The following TBC1D10A variants were observed in gnomAD, a reference collection of about 807,000 sequenced individuals.
TBC1D10A encodes TBC1 domain family member 10A, also known as EBP50-PDX interactor of 64 kDa.
A neutral mutation model predicts 52.9 loss-of-function variants in TBC1D10A; 24 were observed. The observed-to-expected ratio is 0.45, with a 90% confidence interval of 0.33 to 0.64. The LOEUF (loss-of-function observed/expected upper bound fraction) is 0.64, where lower values mean the gene tolerates loss of function less well. Ranked by LOEUF, TBC1D10A falls within the 30% of genes least tolerant of loss-of-function variation. The probability of loss-of-function intolerance (pLI) is 0.02; values close to 1 mark genes in which losing one functional copy is unlikely to be tolerated. For missense variants in TBC1D10A, 602 were observed against 687.9 expected (o/e 0.88, Z 1.40); for synonymous variants, 278 against 282.9 (o/e 0.98, Z 0.17).
intron 1 of TBC1D10A, 60 bp downstream of exon 1, chr22:30,326,613 T>C: frequency 6.6e-7 from 1 of 1,505,104 alleles, no homozygotes; most frequent in Non-Finnish European, 8.9e-7. Context: ...GGCGCCTCCG[T>C]CCGTGTCGAG....
chr22:30,314,514 G>A (rs529182615), intron 1 of TBC1D10A, among the ~76,000 whole-genome samples: 5 of 152,284 alleles, frequency 3.3e-5, no homozygotes, highest in African/African-American at 1.2e-4. Flanking sequence ...AGCTCAGGAT[G>A]AAAGTCTACA....
At chr22:30,320,599 C>T (rs898097771) in intron 1 of TBC1D10A, among the ~76,000 whole-genome samples, 1 of 152,132 alleles carries the variant, frequency 6.6e-6, no homozygotes, top group African/African-American at 2.4e-5. Flanking sequence ...GGATAATCAC[C>T]CCTCTCAGGG....
intron 1 of TBC1D10A, 117 bp from the exon 2 acceptor site, chr22:30,304,747 TC>T (rs996756805): frequency 6.7e-7 from 1 of 1,485,686 alleles, no homozygotes; most frequent in African/African-American, 1.4e-5. Context: ...TCCCTGCTGT[TC>T]CCTTCAGGAC....
chr22:30,323,768 C>T (rs1184461979), intron 1 of TBC1D10A, among the ~76,000 whole-genome samples: 3 of 152,114 alleles, frequency 2.0e-5, no homozygotes, highest in Non-Finnish European at 4.4e-5. Flanking sequence ...GAGTTCAAGA[C>T]CAGCCTGGCC....
intron 8 of TBC1D10A, 121 bp downstream of exon 8, chr22:30,293,530 G>T: frequency 1.4e-6 from 2 of 1,380,616 alleles, no homozygotes; most frequent in Non-Finnish European, 2.0e-6. Context: ...GTTCTGTGTT[G>T]CCTAGCAATG....
intron 6 of TBC1D10A, among the ~76,000 whole-genome samples, 176 bp from the exon 7 acceptor site, chr22:30,294,286 C>T (rs767236706): frequency 6.6e-6 from 1 of 152,118 alleles, no homozygotes; most frequent in Non-Finnish European, 1.5e-5. Flanking sequence ...GCCAGCTGGT[C>T]CCCTGGAGGG....
At chr22:30,309,414 C>T (rs372356043) in intron 1 of TBC1D10A, among the ~76,000 whole-genome samples, 32 of 152,246 alleles carry the variant, frequency 2.1e-4, no homozygotes, top group African/African-American at 7.7e-4. Context: ...TTAGTAGAGA[C>T]GGGGTTTCAC....
chr22:30,324,439 T>C (rs1161118587), intron 1 of TBC1D10A, among the ~76,000 whole-genome samples: 1 of 152,144 alleles, frequency 6.6e-6, no homozygotes, highest in Non-Finnish European at 1.5e-5. Context: ...GGACTGGAGC[T>C]GGGATCCCAC....
In TBC1D10A at chr22:30,292,312, A is replaced by C; in HGVS notation, c.*63T>G. ...CCTCAGAGGGTGGGCAGGATGTGGA[A>C]TGTCAGTTCATGAACCGTGTAGTTA... On this transcript the variant is annotated 3_prime_UTR_variant, in exon 9 of 9. Coordinates refer to ENST00000215790, the MANE Select transcript of TBC1D10A (RefSeq NM_031937.3). 4 of 1,382,630 alleles carry C rather than the reference A, an allele frequency of 2.9e-6. No individual in the cohort carries two copies. The highest frequency in any genetic ancestry group is 3.9e-6 in the Non-Finnish European group (4 of 1,025,912). The allele number at this position is 1,382,630 out of a possible 1,614,324, so 85.6% of individuals were successfully genotyped here.
chr22:30,304,674 C>G, intron 1 of TBC1D10A, 44 bp from the exon 2 acceptor site: 1 of 1,604,040 alleles, frequency 6.2e-7, no homozygotes, highest in South Asian at 1.1e-5. Context: ...CCAAGGGAAG[C>G]AAAGGCCCTG....
chr22:30,293,699 C>G lies in TBC1D10A; in HGVS notation c.1002G>C (p.Leu334=). The part of the protein sequence containing the change: ...CQGQYETIER[L]RSLSPKIMQE... ...GCATGATCTTGGGGCTGAGGCTCCG[C>G]AGTCGCTCGATGGTCTCGTACTGGC... Residue 334 remains leucine, a synonymous_variant, in exon 8 of 9, where the codon CTG becomes CTC. Coordinates refer to ENST00000215790, the MANE Select transcript of TBC1D10A (RefSeq NM_031937.3). 6.2e-7 allele frequency: 1 copy of G among 1,612,736 alleles called. No homozygotes were observed. Among genetic ancestry groups the G allele is most frequent in the Non-Finnish European group, 8.5e-7 (1 of 1,179,136 alleles).
intron 1 of TBC1D10A, among the ~76,000 whole-genome samples, chr22:30,322,894 CT>C (rs34264567): frequency 0.21 from 26,990 of 131,296 alleles, 2,636 homozygotes; most frequent in Middle Eastern, 0.36. Context: ...AGCACCTAGT[CT>C]TTTTTTTTTT....
rs1930104727 is a variant in TBC1D10A at position 30,297,407 on chromosome 22, C to A, written c.418-1564G>T. ...CCTAGCAGTTCCCATGAGGTAGGAA[C>A]CCGAAAACCCCGGAAGTCAGTTCCT... On this transcript the variant is annotated intron_variant, in intron 3 of 8. Coordinates refer to ENST00000215790, the MANE Select transcript of TBC1D10A (RefSeq NM_031937.3). The surrounding 1 kb of genome is among the most constrained non-coding windows in gnomAD (Gnocchi z 4.3). 6.6e-6 allele frequency: 1 copy of A among 152,238 alleles called. No individual in the cohort carries two copies. The highest frequency in any genetic ancestry group is 2.1e-4 in the South Asian group (1 of 4,830). The allele number at this position is 152,238 out of a possible 1,614,324, so 9.4% of individuals were successfully genotyped here.
In TBC1D10A at chr22:30,294,962, C is replaced by A. The variant is rs1342491010; in HGVS notation, c.618G>T (p.Leu206Phe). Reference protein sequence around the residue: ...CQAQAPIAAVLLMHMPAEQAF... With the variant: ...CQAQAPIAAVFLMHMPAEQAF... ...GTACCTCAGCAGGCATATGCATGAGCAAGACAGCGGCAATGGGCGCCTGGG... is the reference window on the plus strand; with the variant it reads ...GTACCTCAGCAGGCATATGCATGAGAAAGACAGCGGCAATGGGCGCCTGGG... The change falls in exon 5 of 9, where the codon TTG becomes TTT. Residue 206 changes from leucine to phenylalanine, a missense_variant. By Grantham distance (22) the Leu-to-Phe change is conservative (BLOSUM62 0). Coordinates refer to ENST00000215790, the MANE Select transcript of TBC1D10A (RefSeq NM_031937.3). 1 of 1,614,060 alleles carries A rather than the reference C, an allele frequency of 6.2e-7. No individual in the cohort carries two copies. The highest frequency in any genetic ancestry group is 1.1e-5 in the South Asian group (1 of 91,092).
intron 1 of TBC1D10A, among the ~76,000 whole-genome samples, chr22:30,313,343 G>A (rs1230205139): frequency 5.7e-5 from 2 of 34,890 alleles, no homozygotes; most frequent in African/African-American, 1.4e-4. Context: ...CTCAATAAAT[G>A]TGTGTGTGTG....
At chr22:30,295,161 T>A in intron 4 of TBC1D10A, 106 bp from the exon 5 acceptor site, 2 of 1,094,730 alleles carry the variant, frequency 1.8e-6, no homozygotes, top group Non-Finnish European at 1.3e-6. Flanking sequence ...GCCCCTCCCT[T>A]GAGAGGGAAG....
In TBC1D10A at chr22:30,326,723, G is replaced by A. The variant is rs779001907; in HGVS notation, c.159C>T (p.Arg53=). The A allele has an allele frequency of 5.8e-6, 9 of 1,543,788 alleles. No individual in the cohort carries two copies. The highest frequency in any genetic ancestry group is 2.6e-5 in the East Asian group (1 of 38,018). The change falls in exon 1 of 9, where the codon CGC becomes CGT. Residue 53 remains arginine, a synonymous_variant. Coordinates refer to ENST00000215790, the MANE Select transcript of TBC1D10A (RefSeq NM_031937.3). ...SDSEANGFAE[R]RIDKFGFIVG... The stretch of plus-strand genomic sequence containing the variant: ...CGATGAAGCCGAACTTGTCGATGCG[G>A]CGCTCGGCGAAGCCGTTGGCCTCCG...
At chr22:30,315,544 T>C (rs1476004042) in intron 1 of TBC1D10A, among the ~76,000 whole-genome samples, 8 of 152,342 alleles carry the variant, frequency 5.3e-5, no homozygotes, top group Admixed American at 2.0e-4. Flanking sequence ...ATTATAGGCA[T>C]GAGCCACAGT....
At chr22:30,295,165 A>G in intron 4 of TBC1D10A, 110 bp from the exon 5 acceptor site, 1 of 1,050,712 alleles carries the variant, frequency 9.5e-7, no homozygotes, top group Non-Finnish European at 1.4e-6. Context: ...CTCCCTTGAG[A>G]GGGAAGGTGA....
Sources: allele counts gnomAD v4.1 joint callset (sites outside exome capture counted in the v4.1 genomes callset), GRCh38; gene constraint gnomAD v4.1.1; non-coding constraint Gnocchi (gnomAD v3.1); transcripts MANE v1.5; gene names NCBI Gene and HGNC (gene_info 2026-07-23, HGNC 2026-07-21).